The following NBAS variants were observed in gnomAD, a reference collection of about 807,000 sequenced individuals.
NBAS encodes the protein NBAS subunit of NRZ tethering complex.
A neutral mutation model predicts 302.5 loss-of-function variants in NBAS; 219 were observed. The ratio of observed to expected loss-of-function variants is 0.72; its 90% confidence interval spans 0.65 to 0.81. The LOEUF (loss-of-function observed/expected upper bound fraction) is 0.81. Among genes scored for constraint, NBAS ranks in the 30% least tolerant of loss-of-function variants. NBAS has a pLI of 0.00. For synonymous variants in NBAS, 1,118 were observed against 1,021.6 expected (o/e 1.09, Z -1.80); for missense variants, 2,932 against 2,841.6 (o/e 1.03, Z -0.72).
intron 20 of NBAS, 125 bp downstream of exon 20, chr2:15,461,562 A>G (rs1285075288): frequency 1.3e-6 from 1 of 761,458 alleles, no homozygotes; most frequent in East Asian, 2.7e-5. Context: ...AATTTTCTCT[A>G]CACTTATTAA....
chr2:15,099,454 T>C, the NBAS span, among the ~76,000 whole-genome samples: 1 of 152,152 alleles, frequency 6.6e-6, no homozygotes. Context: ...TTTTTAAGTA[T>C]AGGGACCAGT....
At chr2:14,911,428 G>A in the NBAS span, among the ~76,000 whole-genome samples, 8 of 152,116 alleles carry the variant, frequency 5.3e-5, no homozygotes, top group African/African-American at 1.7e-4. Flanking sequence ...CATCCTGGAC[G>A]CTATTATTCC....
At chr2:14,789,038 G>A in the NBAS span, among the ~76,000 whole-genome samples, 37 of 152,214 alleles carry the variant, frequency 2.4e-4, no homozygotes, top group Non-Finnish European at 4.3e-4. Context: ...GGGCAATGGC[G>A]GGCGCCCCTC....
chr2:15,075,760 TAC>T, the NBAS span, among the ~76,000 whole-genome samples: 10 of 149,956 alleles, frequency 6.7e-5, no homozygotes, highest in South Asian at 2.1e-4. Context: ...CCAAAATTTA[TAC>T]ACACACACAC....
intron 35 of NBAS, among the ~76,000 whole-genome samples, chr2:15,333,190 T>G (rs1482048678): frequency 6.6e-6 from 1 of 152,008 alleles, no homozygotes; most frequent in Non-Finnish European, 1.5e-5. Flanking sequence ...GGGAAAAAAT[T>G]GAGAGTTTCC....
chr2:14,930,959 T>G, the NBAS span, among the ~76,000 whole-genome samples: 1 of 151,786 alleles, frequency 6.6e-6, no homozygotes, highest in African/African-American at 2.4e-5. Flanking sequence ...CCAACAAGAG[T>G]GGGAGGAAGG....
At chr2:15,495,067 C>G (rs1181537239) in intron 11 of NBAS, among the ~76,000 whole-genome samples, 1 of 152,114 alleles carries the variant, frequency 6.6e-6, no homozygotes, top group East Asian at 1.9e-4. Flanking sequence ...GGTGAGTAGT[C>G]TCTTGCCAAA....
At chr2:15,008,314 C>T in the NBAS span, among the ~76,000 whole-genome samples, 2 of 152,220 alleles carry the variant, frequency 1.3e-5, no homozygotes, top group South Asian at 4.1e-4. Flanking sequence ...TTGTGTGCTA[C>T]AGGATGCTAC....
the NBAS span, among the ~76,000 whole-genome samples, chr2:14,834,602 G>A: frequency 1.3e-5 from 2 of 152,090 alleles, no homozygotes; most frequent in Non-Finnish European, 2.9e-5. Context: ...CTTACACACA[G>A]GAAGACTACA....
intron 49 of NBAS, among the ~76,000 whole-genome samples, chr2:15,190,026 C>A (rs995751007): frequency 4.6e-5 from 7 of 152,078 alleles, no homozygotes; most frequent in African/African-American, 1.7e-4. Context: ...CATCATAAAT[C>A]AGATATTATC....
chr2:15,055,506 G>A, the NBAS span, among the ~76,000 whole-genome samples: 2 of 152,166 alleles, frequency 1.3e-5, no homozygotes, highest in Admixed American at 1.3e-4. Context: ...CAGCTGGGGG[G>A]CGGGGGGCTG....
At chr2:15,148,672 A>G in the NBAS span, among the ~76,000 whole-genome samples, 1 of 152,222 alleles carries the variant, frequency 6.6e-6, no homozygotes, top group African/African-American at 2.4e-5. Flanking sequence ...CTAAGAATAG[A>G]AGGAAATTAT....
the NBAS span, among the ~76,000 whole-genome samples, chr2:14,865,460 T>C: frequency 6.6e-6 from 1 of 152,162 alleles, no homozygotes; most frequent in Non-Finnish European, 1.5e-5. Flanking sequence ...CCAACTTCAC[T>C]GTCTTAGACA....
At chr2:15,416,720 C>T (rs910789451) in intron 24 of NBAS, among the ~76,000 whole-genome samples, 2 of 150,896 alleles carry the variant, frequency 1.3e-5, no homozygotes, top group African/African-American at 2.4e-5. Context: ...GCAGGAGAAT[C>T]GCTTGAACCC....
intron 31 of NBAS, among the ~76,000 whole-genome samples, chr2:15,367,785 T>G (rs551512533): frequency 2.4e-4 from 37 of 152,290 alleles, no homozygotes; most frequent in African/African-American, 8.7e-4. Flanking sequence ...TGGGCTTTTT[T>G]GGGGAAGGTA....
the NBAS span, among the ~76,000 whole-genome samples, chr2:14,816,608 T>C: frequency 6.6e-6 from 1 of 152,220 alleles, no homozygotes; most frequent in African/African-American, 2.4e-5. Context: ...TATGTTTTAA[T>C]TCATCTACAG....
chr2:15,252,256 T>C lies in NBAS; in HGVS notation c.5725-13570A>G, dbSNP rs577856019. Among the ~76,000 whole-genome samples the C allele has an allele frequency of 6.8e-4, 103 of 152,256 alleles. 1 individual carries two copies. Among genetic ancestry groups the C allele is most frequent in the African/African-American group, 2.3e-3 (94 of 41,548 alleles). On this transcript the variant is annotated intron_variant, in intron 44 of 51. Coordinates refer to ENST00000281513, the MANE Select transcript of NBAS (RefSeq NM_015909.4). ...GCTCATGCCTGTAATCCCAGCACTT[T>C]GGGAGGCCGAGGCGGTTGGATCACC...
rs1403590775 is a variant in NBAS at position 15,183,059 on chromosome 2, T to C, written c.6711+3683A>G. Among the ~76,000 whole-genome samples, 4 of 151,738 alleles carry C rather than the reference T, an allele frequency of 2.6e-5. No individual in the cohort carries two copies. In the South Asian group the frequency reaches 8.3e-4, roughly 32 times the overall value. On this transcript the variant is annotated intron_variant, in intron 50 of 51. Coordinates refer to ENST00000281513, the MANE Select transcript of NBAS (RefSeq NM_015909.4). The stretch of plus-strand genomic sequence containing the variant: ...GGTATTGAATTTAGGAAAAAAAAAA[T>C]CATAAGTAACAGATAATTTTACCAC...
rs1663516243 is a variant in NBAS at position 15,536,419 on chromosome 2, T to G, written c.646A>C (p.Ser216Arg). ...YRGELRSYLVSVGTNQSYQES... is the reference protein window; with the variant it reads ...YRGELRSYLVRVGTNQSYQES... ...ATGGCTTCCAAAGCACATTTTTACC[T>G]TACAAGGTAACTTCTAAGTTCTCCT... The change falls in exon 8 of 52, where the codon AGT (serine) becomes CGT (arginine). Residue 216 changes from serine to arginine, a missense_variant and splice_region_variant. Ser to Arg is a moderately radical substitution (Grantham distance 110). Coordinates refer to ENST00000281513, the MANE Select transcript of NBAS (RefSeq NM_015909.4). The G allele has an allele frequency of 2.6e-5, 42 of 1,613,334 alleles. No homozygotes were observed. Among genetic ancestry groups the G allele is most frequent in the Non-Finnish European group, 3.5e-5 (41 of 1,179,928 alleles).
Sources: allele counts gnomAD v4.1 joint callset (sites outside exome capture counted in the v4.1 genomes callset), GRCh38; gene constraint gnomAD v4.1.1; transcripts MANE v1.5; gene names NCBI Gene and HGNC (gene_info 2026-07-23, HGNC 2026-07-21).